The following MKNK1 variants were observed in gnomAD, a reference collection of about 807,000 sequenced individuals.
MKNK1 encodes the protein MAPK interacting serine/threonine kinase 1.
In MKNK1, 30 loss-of-function variants were observed where a neutral mutation model predicts 49.3. The observed-to-expected ratio is 0.61, with a 90% confidence interval of 0.46 to 0.83. The LOEUF (loss-of-function observed/expected upper bound fraction) is 0.83. Ranked by LOEUF, MKNK1 falls within the 40% of genes least tolerant of loss-of-function variation. The probability of loss-of-function intolerance (pLI) is 0.00; values close to 1 mark genes in which losing one functional copy is unlikely to be tolerated. For synonymous variants in MKNK1, 176 were observed against 201.7 expected, an observed-to-expected ratio of 0.87 and a Z score of 1.08; for missense variants, 423 against 524.7, an observed-to-expected ratio of 0.81 and a Z score of 1.89.
chr1:46,580,293 CACA>C (rs1671541841), intron 4 of MKNK1: 1 of 485,728 alleles, frequency 2.1e-6, no homozygotes. Context: ...ATTTAATCCT[CACA>C]ACAATTCTAC....
intron 6 of MKNK1, among the ~76,000 whole-genome samples, chr1:46,572,847 C>A (rs1231611699): frequency 3.3e-5 from 5 of 152,184 alleles, no homozygotes; most frequent in African/African-American, 1.2e-4. Flanking sequence ...TTCTCCCCTG[C>A]ATCTGATCTC....
intron 3 of MKNK1, among the ~76,000 whole-genome samples, chr1:46,582,433 A>T (rs547718967): frequency 6.6e-6 from 1 of 152,278 alleles, no homozygotes; most frequent in Admixed American, 6.5e-5. Context: ...CATATTCCCA[A>T]CCGATAAAGT....
chr1:46,573,467 GA>G (rs1670498750), intron 6 of MKNK1, among the ~76,000 whole-genome samples: 1 of 152,202 alleles, frequency 6.6e-6, no homozygotes, highest in Non-Finnish European at 1.5e-5. Flanking sequence ...TTTACTACTA[GA>G]AGCCAGCATT....
In MKNK1 at chr1:46,558,627, G is replaced by GCCCGTCTCCGGGCCAGGC. The variant is rs1557814824; in HGVS notation, c.1169_1186dup (p.Arg395_Ala396insGlyLeuAlaArgArgArg). 1 of 1,614,000 alleles carries GCCCGTCTCCGGGCCAGGC rather than the reference G, an allele frequency of 6.2e-7. No individual in the cohort carries two copies. Among genetic ancestry groups the GCCCGTCTCCGGGCCAGGC allele is most frequent in the South Asian group, 1.1e-5 (1 of 91,050 alleles). On this transcript the variant is annotated inframe_insertion, in exon 13 of 13. Coordinates refer to ENST00000371945, the MANE Select transcript of MKNK1 (RefSeq NM_001135553.4). ...TTCACCACGGCCTGCCTGGGCCAGG[G>GCCCGTCTCCGGGCCAGGC]CCCGTCTCCGGGCCAGGCGTGACTT...
At chr1:46,597,300 CAAAAA>C (rs11312871) in intron 1 of MKNK1, among the ~76,000 whole-genome samples, 2 of 130,700 alleles carry the variant, frequency 1.5e-5, no homozygotes, top group African/African-American at 5.5e-5. Context: ...CGTTTTAGAG[CAAAAA>C]AAAAAAAAAA....
At chr1:46,597,444 T>TA (rs1260203465) in intron 1 of MKNK1, among the ~76,000 whole-genome samples, 2 of 152,184 alleles carry the variant, frequency 1.3e-5, no homozygotes, top group African/African-American at 2.4e-5. Context: ...CTCGACCTGT[T>TA]ACTTCCTTGC....
At chr1:46,564,942 C>T in intron 9 of MKNK1, 99 bp downstream of exon 9, 2 of 1,138,704 alleles carry the variant, frequency 1.8e-6, no homozygotes, top group Non-Finnish European at 2.6e-6. Context: ...GAAGATAGGT[C>T]CACTTGGTTT....
intron 2 of MKNK1, among the ~76,000 whole-genome samples, chr1:46,592,588 A>G (rs981537608): frequency 3.3e-5 from 5 of 152,172 alleles, no homozygotes; most frequent in Admixed American, 2.0e-4. Flanking sequence ...AGGCTGCTGG[A>G]ACAGCCCGGG....
At chr1:46,583,084 T>TC in intron 3 of MKNK1, 144 bp downstream of exon 3, 1 of 731,740 alleles carries the variant, frequency 1.4e-6, no homozygotes, top group South Asian at 1.5e-5. Context: ...AACTCCCTCA[T>TC]CCCCATCTTA....
chr1:46,572,210 T>A, intron 6 of MKNK1, 43 bp from the exon 7 acceptor site: 1 of 1,552,618 alleles, frequency 6.4e-7, no homozygotes, highest in Non-Finnish European at 8.9e-7. Context: ...TTTTGGGCTC[T>A]AGTAAGTATA....
intron 12 of MKNK1, among the ~76,000 whole-genome samples, chr1:46,559,210 C>A (rs1336721262): frequency 6.6e-6 from 1 of 152,214 alleles, no homozygotes; most frequent in East Asian, 1.9e-4. Flanking sequence ...GCACCTAGCT[C>A]AGGGCTAGCG....
At chr1:46,575,919 C>T (rs1670884186) in intron 5 of MKNK1, 2 of 151,806 alleles carry the variant, frequency 1.3e-5, no homozygotes, top group South Asian at 4.2e-4. Context: ...CAGCAGCCCC[C>T]GTCCTCCAAT....
At chr1:46,594,892 TG>T in intron 1 of MKNK1, 1 of 395,394 alleles carries the variant, frequency 2.5e-6, no homozygotes. Flanking sequence ...GAGGCTGAGG[TG>T]GGAGGATTGC....
rs534598829 is a variant in MKNK1 at position 46,602,232 on chromosome 1, C to T, written c.-171+1953G>A. On this transcript the variant is annotated intron_variant, in intron 1 of 12. Coordinates refer to ENST00000371945, the MANE Select transcript of MKNK1 (RefSeq NM_001135553.4). ...TTTGAATCCAGCCTGGCCAACATGG[C>T]GAAACCCCGTCTCTACTAAAAATAC... is the stretch of plus-strand genomic sequence containing the variant. Among the ~76,000 whole-genome samples the T allele has an allele frequency of 3.3e-5, 5 of 152,154 alleles. No homozygotes were observed. The South Asian group carries it at 6.2e-4, about 19-fold the overall frequency.
Position 46,565,393 on chromosome 1 carries a change from A to G in MKNK1, c.514-257T>C, listed in dbSNP as rs1668886244. Reference sequence around the variant, plus strand: ...TGGTGTCAGATTATTGTGAACTCAGACTAAAGGAAGTATGGAACTCTTGCT... The same window carrying G: ...TGGTGTCAGATTATTGTGAACTCAGGCTAAAGGAAGTATGGAACTCTTGCT... On this transcript the variant is annotated intron_variant, in intron 8 of 12. Transcript: ENST00000371945. 1.0e-5 allele frequency: 5 copies of G among 494,770 alleles called. No homozygotes were observed. In the South Asian group the frequency reaches 1.1e-4, roughly 11 times the overall value. 30.6% of individuals were successfully genotyped at this position (494,770 alleles called of 1,614,324 possible). A position where few individuals can be genotyped will look rare whatever the true frequency, so the allele number is the denominator to read the frequency against.
At chr1:46,595,553 T>C (rs1484981273) in intron 1 of MKNK1, among the ~76,000 whole-genome samples, 1 of 152,228 alleles carries the variant, frequency 6.6e-6, no homozygotes, top group Non-Finnish European at 1.5e-5. Context: ...AAAAATGGGC[T>C]CTAGTGAATC....
intron 6 of MKNK1, chr1:46,574,684 G>A (rs566622926): frequency 1.7e-4 from 65 of 390,306 alleles, no homozygotes; most frequent in South Asian, 1.2e-3. Flanking sequence ...TTGATAAATC[G>A]ATGACTAAAT....
chr1:46,559,208 C>T (rs1050863343), intron 12 of MKNK1, among the ~76,000 whole-genome samples: 6 of 152,248 alleles, frequency 3.9e-5, no homozygotes, highest in African/African-American at 1.2e-4. Flanking sequence ...CAGCACCTAG[C>T]TCAGGGCTAG....
At chr1:46,578,839 T>C (rs1671349173) in intron 4 of MKNK1, among the ~76,000 whole-genome samples, 1 of 151,360 alleles carries the variant, frequency 6.6e-6, no homozygotes, top group South Asian at 2.1e-4. Flanking sequence ...CTGTGCAACC[T>C]CTACCTCCCG....
Sources: allele counts gnomAD v4.1 joint callset (sites outside exome capture counted in the v4.1 genomes callset), GRCh38; gene constraint gnomAD v4.1.1; transcripts MANE v1.5; gene names NCBI Gene and HGNC (gene_info 2026-07-23, HGNC 2026-07-21).